Variants in ANKS1B observed in about 807,000 individuals in gnomAD.
ANKS1B encodes the protein ankyrin repeat and sterile alpha motif domain containing 1B.
Under a neutral mutation model 148.3 loss-of-function variants are expected in ANKS1B, and 36 were observed. The observed-to-expected ratio is 0.24, with a 90% confidence interval of 0.19 to 0.32. The LOEUF is 0.32. ANKS1B is among the 10% of genes least tolerant of loss of function. The probability of loss-of-function intolerance (pLI) is 1.00; values close to 1 mark genes in which losing one functional copy is unlikely to be tolerated. For synonymous variants in ANKS1B, 542 were observed against 560.8 expected (o/e 0.97, Z 0.47); for missense variants, 1,157 against 1,542.6 (o/e 0.75, Z 4.19).
intron 1 of ANKS1B, among the ~76,000 whole-genome samples, chr12:99,955,834 G>A (rs1161742221): frequency 1.3e-5 from 2 of 152,144 alleles, no homozygotes; most frequent in East Asian, 1.9e-4. Context: ...TCACAGCTTA[G>A]TATATAAAAT....
chr12:99,326,815 A>G (rs1037824269), intron 12 of ANKS1B, among the ~76,000 whole-genome samples: 4 of 151,244 alleles, frequency 2.6e-5, no homozygotes, highest in African/African-American at 9.7e-5. Flanking sequence ...GTTGATATGC[A>G]GTAATTGTGC....
At chr12:99,161,787 T>C (rs1178624428) in intron 14 of ANKS1B, among the ~76,000 whole-genome samples, 1 of 152,030 alleles carries the variant, frequency 6.6e-6, no homozygotes, top group African/African-American at 2.4e-5. Context: ...TCAAAAACAA[T>C]AGAGCAATCA....
At chr12:99,282,695 A>T (rs145280490) in intron 12 of ANKS1B, among the ~76,000 whole-genome samples, 1 of 152,332 alleles carries the variant, frequency 6.6e-6, no homozygotes, top group Non-Finnish European at 1.5e-5. Flanking sequence ...CAAAAAAAAG[A>T]GGTGCTAAAA....
intron 9 of ANKS1B, among the ~76,000 whole-genome samples, chr12:99,638,004 A>G (rs2098258860): frequency 6.6e-6 from 1 of 151,896 alleles, no homozygotes; most frequent in African/African-American, 2.4e-5. Flanking sequence ...TTTCTCTGAC[A>G]GTGAGTGAGT....
intron 12 of ANKS1B, among the ~76,000 whole-genome samples, chr12:99,388,857 G>C (rs1013878173): frequency 6.6e-6 from 1 of 152,130 alleles, no homozygotes; most frequent in East Asian, 1.9e-4. Flanking sequence ...TTCTATGCCC[G>C]AAATTTAAGG....
At chr12:99,464,312 C>G (rs2096056529) in intron 10 of ANKS1B, among the ~76,000 whole-genome samples, 1 of 152,060 alleles carries the variant, frequency 6.6e-6, no homozygotes, top group Non-Finnish European at 1.5e-5. Context: ...CATCAAAAAC[C>G]AAAAGTAGAT....
chr12:99,079,947 T>G (rs1233717882), intron 16 of ANKS1B: 1 of 152,254 alleles, frequency 6.6e-6, no homozygotes, highest in Non-Finnish European at 1.5e-5. Context: ...TCCCCATGAA[T>G]TTGCACAGGC....
Position 99,984,346 on chromosome 12 carries a change from G to C in ANKS1B, c.-109C>G. 10 of 659,560 alleles carry C rather than the reference G, an allele frequency of 1.5e-5. No individual in the cohort carries two copies. Among genetic ancestry groups the C allele is most frequent in the African/African-American group, 2.0e-5 (1 of 50,388 alleles). 40.9% of individuals were successfully genotyped at this position (659,560 alleles called of 1,614,324 possible). A position where few individuals can be genotyped will look rare whatever the true frequency, so the allele number is the denominator to read the frequency against. Reference sequence around the variant, plus strand: ...CCTCTTCGCCCCACCCTAAAATAATGCAAGAGCTTCAGCACGGAGAGCTCC... The same window carrying C: ...CCTCTTCGCCCCACCCTAAAATAATCCAAGAGCTTCAGCACGGAGAGCTCC... On this transcript the variant is annotated 5_prime_UTR_variant, in exon 1 of 27. Transcript: ENST00000683438.
At chr12:99,292,940 T>C (rs918100983) in intron 12 of ANKS1B, among the ~76,000 whole-genome samples, 45 of 152,212 alleles carry the variant, frequency 3.0e-4, no homozygotes, top group Non-Finnish European at 3.7e-4. Flanking sequence ...GAAGACAGCG[T>C]GGCGATTCCT....
chr12:99,687,194 G>C (rs1332678632), intron 8 of ANKS1B, among the ~76,000 whole-genome samples: 2 of 151,936 alleles, frequency 1.3e-5, no homozygotes, highest in African/African-American at 4.8e-5. Flanking sequence ...GAAAAAGTCT[G>C]GTTTTATTCT....
intron 1 of ANKS1B, among the ~76,000 whole-genome samples, chr12:99,933,120 G>A (rs1054909035): frequency 1.3e-5 from 2 of 152,034 alleles, no homozygotes; most frequent in African/African-American, 4.8e-5. Context: ...CCATTGGTCT[G>A]TGTCTGTTTT....
rs757910522 is a variant in ANKS1B, at chr12:99,806,628, C to T, written c.445G>A (p.Glu149Lys). Residue 149 changes from glutamate (E) to lysine (K), a missense_variant, in exon 4 of 27, where the codon GAA becomes AAA. By Grantham distance (56) the Glu-to-Lys change is moderately conservative. Around this residue, in one of 6 missense-constraint regions of ANKS1B, gnomAD observed 164 missense variants for 232.6 expected, o/e 0.71. Coordinates refer to ENST00000683438, the MANE Select transcript of ANKS1B (RefSeq NM_001352186.2). The part of the protein sequence containing the change: ...GHSEVVAVLL[E>K]ELTDPTIRNS... The stretch of plus-strand genomic sequence containing the variant: ...CTAATTGTCGGGTCAGTGAGCTCTT[C>T]TAGGAGAACAGCAACTACTTCTGAG... The T allele has an allele frequency of 1.2e-6, 2 of 1,613,932 alleles. No individual in the cohort carries two copies. The highest frequency in any genetic ancestry group is 1.1e-5 in the South Asian group (1 of 91,070).
At chr12:98,963,418 G>A (rs1449622888) in intron 17 of ANKS1B, among the ~76,000 whole-genome samples, 2 of 152,042 alleles carry the variant, frequency 1.3e-5, no homozygotes, top group East Asian at 3.9e-4. Flanking sequence ...TCTCAAGTGA[G>A]CCACCTGCTA....
Position 99,447,654 on chromosome 12 carries a change from G to C in ANKS1B, c.1439-3845C>G, listed in dbSNP as rs115564634. Reference sequence around the variant, plus strand: ...TGCACAGCAAAGGAACCAATGAAGAGAGTGAAGAAACAATTTATGAAATAG... The same window carrying C: ...TGCACAGCAAAGGAACCAATGAAGACAGTGAAGAAACAATTTATGAAATAG... On this transcript the variant is annotated intron_variant, in intron 10 of 26. Transcript: ENST00000683438. 2.4e-3 allele frequency among the ~76,000 whole-genome samples: 363 copies of C among 152,130 alleles called. 2 individuals are homozygous for C. The highest frequency in any genetic ancestry group is 8.2e-3 in the African/African-American group (342 of 41,528).
chr12:98,767,211 C>T (rs963834346), intron 25 of ANKS1B, among the ~76,000 whole-genome samples: 15 of 152,276 alleles, frequency 9.9e-5, no homozygotes, highest in African/African-American at 2.2e-4. Context: ...TCACTGATCA[C>T]GACCACGTGG....
At chr12:98,979,080 T>C (rs921662497) in intron 17 of ANKS1B, among the ~76,000 whole-genome samples, 1 of 151,468 alleles carries the variant, frequency 6.6e-6, no homozygotes, top group African/African-American at 2.4e-5. Context: ...AGGCGGAGCT[T>C]GCAGTGAGCT....
chr12:99,487,915 A>G (rs1329811301), intron 10 of ANKS1B, among the ~76,000 whole-genome samples: 1 of 149,230 alleles, frequency 6.7e-6, no homozygotes, highest in Non-Finnish European at 1.5e-5. Context: ...GAAACATGAC[A>G]TATTAAAATC....
intron 3 of ANKS1B, among the ~76,000 whole-genome samples, chr12:99,808,311 A>G: frequency 6.6e-6 from 1 of 152,160 alleles, no homozygotes; most frequent in East Asian, 1.9e-4. Flanking sequence ...TTGAGAGTCT[A>G]GAGGGAAGAT....
chr12:99,820,054 A>C (rs910368767), intron 2 of ANKS1B, among the ~76,000 whole-genome samples: 4 of 151,740 alleles, frequency 2.6e-5, no homozygotes, highest in African/African-American at 4.8e-5. Flanking sequence ...AGATACAAAG[A>C]AATAGCTCTC....
Sources: gnomAD v4.1 joint callset for allele counts (sites outside exome capture counted in the v4.1 genomes callset) on GRCh38, gnomAD v4.1.1 for gene constraint, gnomAD v4.1.1 regional missense constraint, MANE v1.5 for transcripts, NCBI Gene and HGNC (gene_info 2026-07-23, HGNC 2026-07-21) for gene names.